The following RPS6 variants were observed in gnomAD, a reference collection of about 807,000 sequenced individuals.
The protein encoded by RPS6 is small ribosomal subunit protein eS6.
A neutral mutation model predicts 27.1 loss-of-function variants in RPS6; 1 was observed. That is an observed-to-expected ratio of 0.04 (90% confidence interval 0.01 to 0.18). The LOEUF is 0.18. Among genes scored for constraint, RPS6 ranks in the 10% least tolerant of loss-of-function variants. The pLI, the probability that RPS6 is intolerant of heterozygous loss-of-function variation, is 1.00. For synonymous variants in RPS6, 152 were observed against 106.0 expected (o/e 1.43, Z -2.66); for missense variants, 259 against 319.1 (o/e 0.81, Z 1.44).
intron 4 of RPS6, 80 bp from the exon 5 acceptor site, chr9:19,376,731 C>A: frequency 5.0e-6 from 7 of 1,406,312 alleles, no homozygotes; most frequent in Non-Finnish European, 6.8e-6. Context: ...CAGAAATAAA[C>A]GTAAGCTTAA....
At chr9:19,379,201 AC>A (rs1209029150) in intron 2 of RPS6, 13 of 1,054,596 alleles carry the variant, frequency 1.2e-5, no homozygotes, top group African/African-American at 9.6e-5. Context: ...ATCAGATACA[AC>A]CCTTTTTGGC....
In RPS6 at chr9:19,378,688, T is replaced by G. The variant is rs754479242; in HGVS notation, c.349+20A>C. 1 of 1,612,662 alleles carries G rather than the reference T, an allele frequency of 6.2e-7. No homozygotes were observed. On this transcript the variant is annotated intron_variant, in intron 3 of 5. Transcript: ENST00000380394. ...GCTTTAAATCAATTTCAACGAAAATTGAACACAAGTAACCCTCACCTTTTT... is the reference window on the plus strand; with the variant it reads ...GCTTTAAATCAATTTCAACGAAAATGGAACACAAGTAACCCTCACCTTTTT...
intron 5 of RPS6, 44 bp downstream of exon 5, chr9:19,376,450 C>A (rs758823118): frequency 3.7e-6 from 6 of 1,612,300 alleles, no homozygotes; most frequent in Non-Finnish European, 5.1e-6. Flanking sequence ...AAATCCAAAG[C>A]CAGGTCGAAC....
In RPS6 at chr9:19,379,691, A is replaced by G. The variant is rs940960824; in HGVS notation, c.7-73T>C. On this transcript the variant is annotated intron_variant, in intron 1 of 5. Transcript: ENST00000380394. The stretch of plus-strand genomic sequence containing the variant: ...TAATTGTAGAGCCATCTACAAAGTT[A>G]ATTCCACTGCAAAAAGCCTTTCATG... The G allele has an allele frequency of 1.2e-5, 18 of 1,530,448 alleles. No homozygotes were observed. In the African/African-American group the frequency reaches 2.5e-4, roughly 21 times the overall value. The allele number at this position is 1,530,448 out of a possible 1,614,324, so 94.8% of individuals were successfully genotyped here. A position where few individuals can be genotyped will look rare whatever the true frequency, so the allele number is the denominator to read the frequency against.
At chr9:19,378,992 T>G in intron 2 of RPS6, 74 bp from the exon 3 acceptor site, 1 of 1,361,082 alleles carries the variant, frequency 7.3e-7, no homozygotes, top group Non-Finnish European at 1.0e-6. Flanking sequence ...TTGTGACCTC[T>G]GTGAACACAC....
At chr9:19,380,166 C>G in intron 1 of RPS6, 24 bp downstream of exon 1, 2 of 1,614,182 alleles carry the variant, frequency 1.2e-6, no homozygotes, top group Non-Finnish European at 1.7e-6. Context: ...CAAACCCAGT[C>G]TAACACTCGC....
chr9:19,379,998 G>A, intron 1 of RPS6, 192 bp downstream of exon 1: 5 of 1,470,618 alleles, frequency 3.4e-6, no homozygotes, highest in South Asian at 1.4e-5. Flanking sequence ...GCCCGCCGCG[G>A]CTCCAGCCGC....
rs1441291397 is a variant in RPS6 at position 19,376,210 on chromosome 9, CTTCAT to C, written c.*78_*82del. On this transcript the variant is annotated 3_prime_UTR_variant, in exon 6 of 6. Transcript: ENST00000380394. Reference sequence around the variant, plus strand: ...TTTTCTATGACCTAACTTTCCCTCTCTTCATTTATGTAGTTTTCTATCAGCAATGA... The same window carrying C: ...TTTTCTATGACCTAACTTTCCCTCTCTTATGTAGTTTTCTATCAGCAATGA... 2.2e-5 allele frequency: 26 copies of C among 1,208,520 alleles called. No homozygotes were observed. In the Admixed American group the frequency reaches 5.2e-4, roughly 24 times the overall value. 74.9% of individuals were successfully genotyped at this position (1,208,520 alleles called of 1,614,324 possible). A position where few individuals can be genotyped will look rare whatever the true frequency, so the allele number is the denominator to read the frequency against.
intron 3 of RPS6, 66 bp downstream of exon 3, chr9:19,378,642 G>A (rs1829628394): frequency 6.3e-7 from 1 of 1,584,408 alleles, no homozygotes; most frequent in African/African-American, 1.3e-5. Context: ...TACTGCAAAT[G>A]AATAAGCATT....
intron 4 of RPS6, among the ~76,000 whole-genome samples, chr9:19,377,681 G>A (rs1174575865): frequency 2.6e-5 from 4 of 152,126 alleles, no homozygotes; most frequent in Non-Finnish European, 5.9e-5. Context: ...GTCCTCACTG[G>A]TGAGTATGTT....
intron 2 of RPS6, 160 bp downstream of exon 2, chr9:19,379,327 C>T (rs940538411): frequency 4.6e-6 from 7 of 1,517,684 alleles, no homozygotes; most frequent in South Asian, 2.5e-5. Flanking sequence ...ACGTCCCCCC[C>T]TCCAAGGTAA....
chr9:19,378,188 A>ATAATAAGCAAGGATT (rs1829621680), intron 4 of RPS6, among the ~76,000 whole-genome samples, 180 bp downstream of exon 4: 1 of 152,204 alleles, frequency 6.6e-6, no homozygotes, highest in Admixed American at 6.5e-5. Context: ...GGCACTGGAT[A>ATAATAAGCAAGGATT]TAATAAGCAA....
intron 4 of RPS6, 90 bp downstream of exon 4, chr9:19,378,278 C>G (rs1829622557): frequency 3.7e-6 from 5 of 1,343,300 alleles, no homozygotes; most frequent in Non-Finnish European, 5.2e-6. Context: ...TAAGGCCTTC[C>G]AAAGGCACAT....
Position 19,376,641 on chromosome 9 carries a change from A to T in RPS6, c.507T>A (p.Pro169=), listed in dbSNP as rs1219779576. Residue 169 remains proline, a synonymous_variant, in exon 5 of 6, where the codon CCT becomes CCA. Transcript: ENST00000380394. ...RKPLNKEGKK[P]RTKAPKIQRL... ...GCTGAATCTTGGGTGCTTTGGTCCT[A>T]GGTTTCTTACCTAAAAATTCAAAGG... 3.1e-6 allele frequency: 5 copies of T among 1,606,566 alleles called. No homozygotes were observed. In the African/African-American group the frequency reaches 5.4e-5, roughly 17 times the overall value.
In RPS6 at chr9:19,378,681, C is replaced by T. The variant is rs116288835; in HGVS notation, c.349+27G>A. ...ACAACTGGCTTTAAATCAATTTCAA[C>T]GAAAATTGAACACAAGTAACCCTCA... On this transcript the variant is annotated intron_variant, in intron 3 of 5. Transcript: ENST00000380394. The T allele has an allele frequency of 4.9e-4, 783 of 1,609,852 alleles. 5 individuals carry two copies. In the African/African-American group the frequency reaches 8.9e-3, roughly 18 times the overall value.
intron 2 of RPS6, 84 bp downstream of exon 2, chr9:19,379,403 G>A (rs1829642633): frequency 6.3e-7 from 1 of 1,580,414 alleles, no homozygotes; most frequent in Non-Finnish European, 8.6e-7. Flanking sequence ...AGAACCCGGA[G>A]TCTGAACCCC....
intron 4 of RPS6, 96 bp downstream of exon 4, chr9:19,378,272 G>T: frequency 8.1e-7 from 1 of 1,228,220 alleles, no homozygotes; most frequent in Non-Finnish European, 1.2e-6. Context: ...TAGTGCTAAG[G>T]CCTTCCAAAG....
rs147112810 is a variant in RPS6, at chr9:19,378,494, G to A, written c.370C>T (p.Leu124=). The A allele has an allele frequency of 3.1e-6, 5 of 1,613,670 alleles. No individual in the cohort carries two copies. Among genetic ancestry groups the A allele is most frequent in the African/African-American group, 1.3e-5 (1 of 74,988 alleles). The part of the protein sequence containing the change: ...VKKGEKDIPG[L]TDTTVPRRLG... ...CGGCGAGGCACTGTAGTATCAGTCA[G>A]TCCAGGAATATCCTTCTCTCCTTAG... Residue 124 remains leucine, a synonymous_variant, in exon 4 of 6, where the codon CTG becomes TTG. Coordinates refer to ENST00000380394, the MANE Select transcript of RPS6 (RefSeq NM_001010.3).
Position 19,378,526 on chromosome 9 carries a change from C to G in RPS6, c.350-12G>C, listed in dbSNP as rs748857416. The G allele has an allele frequency of 1.9e-6, 3 of 1,608,814 alleles. No individual in the cohort carries two copies. Among genetic ancestry groups the G allele is most frequent in the Admixed American group, 3.4e-5 (2 of 58,568 alleles). Reference sequence around the variant, plus strand: ...AATATCCTTCTCTCCTTAGAAGAAACAGTTGAAGAGATTTTAATTCAACAA... The same window carrying G: ...AATATCCTTCTCTCCTTAGAAGAAAGAGTTGAAGAGATTTTAATTCAACAA... On this transcript the variant is annotated splice_polypyrimidine_tract_variant and intron_variant, in intron 3 of 5. Transcript: ENST00000380394.
Sources: allele counts gnomAD v4.1 joint callset (sites outside exome capture counted in the v4.1 genomes callset), GRCh38; gene constraint gnomAD v4.1.1; transcripts MANE v1.5; gene names NCBI Gene and HGNC (gene_info 2026-07-23, HGNC 2026-07-21).